Variants in CARM1 observed in about 807,000 individuals in gnomAD.
CARM1 encodes histone-arginine methyltransferase CARM1.
In CARM1, 14 loss-of-function variants were observed where a neutral mutation model predicts 72.7. The ratio of observed to expected loss-of-function variants is 0.19; its 90% confidence interval spans 0.13 to 0.30. CARM1 has a LOEUF of 0.30. CARM1 is among the 10% of genes least tolerant of loss of function. CARM1 has a pLI of 1.00. For synonymous variants in CARM1, 333 were observed against 345.5 expected, an observed-to-expected ratio of 0.96 and a Z score of 0.40; for missense variants, 432 against 833.7, an observed-to-expected ratio of 0.52 and a Z score of 5.93.
intron 1 of CARM1, among the ~76,000 whole-genome samples, chr19:10,872,354 G>C (rs1042378846): frequency 5.3e-5 from 8 of 152,112 alleles, no homozygotes; most frequent in South Asian, 2.1e-4. Flanking sequence ...GGGCGTGGGC[G>C]GCCCGGGATC....
rs573259101 is a variant in CARM1 at position 10,891,230 on chromosome 19, G to A, written c.221-13721G>A. ...ACTGTGTGCCCGTGGGTCTTGGGCC[G>A]GGCATGGGTGGGTTCGTCCTCATGG... On this transcript the variant is annotated intron_variant, in intron 1 of 15. Transcript: ENST00000327064. Among the ~76,000 whole-genome samples the A allele has an allele frequency of 5.3e-5, 8 of 152,138 alleles. No homozygotes were observed. The South Asian group carries it at 6.2e-4, about 12-fold the overall frequency.
Position 10,915,771 on chromosome 19 carries a change from C to T in CARM1, c.848-636C>T, listed in dbSNP as rs906316615. 4.3e-4 allele frequency among the ~76,000 whole-genome samples: 66 copies of T among 152,278 alleles called. No homozygotes were observed. Among genetic ancestry groups the T allele is most frequent in the Middle Eastern group, 3.4e-3 (1 of 294 alleles). On this transcript the variant is annotated intron_variant, in intron 6 of 15. Coordinates refer to ENST00000327064, the MANE Select transcript of CARM1 (RefSeq NM_199141.2). The surrounding 1 kb of genome is among the most constrained non-coding windows in gnomAD (Gnocchi z 4.6). ...GGCGGGGCTGCGGGGCCCTGATCCT[C>T]CCTGCCACTGGCCCTGACTCATGCG... is the stretch of plus-strand genomic sequence containing the variant.
At chr19:10,873,821 A>G (rs1374134827) in intron 1 of CARM1, among the ~76,000 whole-genome samples, 1 of 151,138 alleles carries the variant, frequency 6.6e-6, no homozygotes, top group Non-Finnish European at 1.5e-5. Flanking sequence ...TTGTGTTTTT[A>G]GTAGAGACGG....
intron 4 of CARM1, among the ~76,000 whole-genome samples, chr19:10,909,729 T>TC (rs1350512979): frequency 6.7e-6 from 1 of 150,132 alleles, no homozygotes; most frequent in African/African-American, 2.4e-5. Flanking sequence ...AGAGTGAGAC[T>TC]CCATCTCAAA....
At chr19:10,886,056 CTTTTTT>C (rs899009522) in intron 1 of CARM1, among the ~76,000 whole-genome samples, 1 of 136,502 alleles carries the variant, frequency 7.3e-6, no homozygotes, top group African/African-American at 2.7e-5. Context: ...TTCTTTCTTT[CTTTTTT>C]TTTTTTTTTT....
In CARM1 at chr19:10,885,961, C is replaced by T. The variant is rs369186288; in HGVS notation, c.220+14039C>T. 2.7e-5 allele frequency among the ~76,000 whole-genome samples: 4 copies of T among 149,824 alleles called. No homozygotes were observed. The East Asian group carries it at 5.9e-4, about 22-fold the overall frequency. ...TGAACACAGCTCATTGCAACCTCAA[C>T]CTCCCAGGTTCAGTTCATGCTCCTG... is the stretch of plus-strand genomic sequence containing the variant. On this transcript the variant is annotated intron_variant, in intron 1 of 15. Coordinates refer to ENST00000327064, the MANE Select transcript of CARM1 (RefSeq NM_199141.2).
chr19:10,877,170 C>T (rs1016037438), intron 1 of CARM1, among the ~76,000 whole-genome samples: 1 of 152,018 alleles, frequency 6.6e-6, no homozygotes, highest in East Asian at 1.9e-4. Flanking sequence ...TTATGTGCCC[C>T]ATCTTTAGGA....
At position 10,920,353 on chromosome 19, in the gene CARM1, T is replaced by TG; in HGVS notation, c.1197-79dup. On this transcript the variant is annotated intron_variant, in intron 10 of 15. Coordinates refer to ENST00000327064, the MANE Select transcript of CARM1 (RefSeq NM_199141.2). This position sits in a 1 kb window ranked among gnomAD's most constrained non-coding sequence, Gnocchi z 5.3. ...GTCCCTGGCAGAGGGGGCAGGTGCT[T>TG]GGGGAGGACTCAAGGCATACAAGGT... 3 of 1,493,250 alleles carry TG rather than the reference T, an allele frequency of 2.0e-6. No individual in the cohort carries two copies. Among genetic ancestry groups the TG allele is most frequent in the Non-Finnish European group, 2.7e-6 (3 of 1,102,050 alleles). 92.5% of individuals were successfully genotyped at this position (1,493,250 alleles called of 1,614,324 possible).
At chr19:10,889,201 C>G (rs1263164631) in intron 1 of CARM1, among the ~76,000 whole-genome samples, 1 of 152,182 alleles carries the variant, frequency 6.6e-6, no homozygotes, top group Non-Finnish European at 1.5e-5. Flanking sequence ...CCATGGAGGC[C>G]TTGGCCTACC....
chr19:10,892,186 A>T (rs1549926), intron 1 of CARM1, among the ~76,000 whole-genome samples: 4 of 152,068 alleles, frequency 2.6e-5, no homozygotes, highest in South Asian at 4.1e-4. Flanking sequence ...ATGGATATTT[A>T]GGTTTTCTGC....
chr19:10,914,679 CT>C (rs1286094077), intron 6 of CARM1, among the ~76,000 whole-genome samples: 1 of 152,198 alleles, frequency 6.6e-6, no homozygotes. Context: ...CTTCAGCCTC[CT>C]GAGTAGCTGG....
At chr19:10,873,800 C>T (rs985720606) in intron 1 of CARM1, among the ~76,000 whole-genome samples, 1 of 151,542 alleles carries the variant, frequency 6.6e-6, no homozygotes, top group African/African-American at 2.4e-5. Flanking sequence ...CCGCCATGCC[C>T]GGCTAATTTT....
At chr19:10,893,107 A>G (rs1042016726) in intron 1 of CARM1, among the ~76,000 whole-genome samples, 1 of 149,556 alleles carries the variant, frequency 6.7e-6, no homozygotes, top group African/African-American at 2.5e-5. Flanking sequence ...CCCAGGTTGG[A>G]GTGGAATGCA....
rs1270966817 is a variant in CARM1, at chr19:10,915,594, C to T, written c.848-813C>T. Among the ~76,000 whole-genome samples, 1 of 152,138 alleles carries T rather than the reference C, an allele frequency of 6.6e-6. No individual in the cohort carries two copies. Among genetic ancestry groups the T allele is most frequent in the African/African-American group, 2.4e-5 (1 of 41,426 alleles). ...AGCCGCAGCATGTGCATCTCCCTCC[C>T]CGTTCCAGCAGCTGCAGCCCTGCAG... On this transcript the variant is annotated intron_variant, in intron 6 of 15. Transcript: ENST00000327064. The surrounding 1 kb of genome is among the most constrained non-coding windows in gnomAD (Gnocchi z 4.6).
At chr19:10,894,743 T>G (rs1253412352) in intron 1 of CARM1, among the ~76,000 whole-genome samples, 1 of 149,422 alleles carries the variant, frequency 6.7e-6, no homozygotes, top group Non-Finnish European at 1.5e-5. Context: ...CTCTCTCTCT[T>G]TTTTTTTTTC....
chr19:10,874,933 A>G (rs2073851645), intron 1 of CARM1, among the ~76,000 whole-genome samples: 1 of 151,682 alleles, frequency 6.6e-6, no homozygotes, highest in African/African-American at 2.4e-5. Flanking sequence ...ATGAGGTGGG[A>G]GGATCGCTTG....
chr19:10,911,921 C>T (rs1183145781), intron 4 of CARM1, among the ~76,000 whole-genome samples: 1 of 152,210 alleles, frequency 6.6e-6, no homozygotes, highest in Non-Finnish European at 1.5e-5. Context: ...AGGGGAGGCC[C>T]GTGCCACTCA....
rs2074075348 is a variant in CARM1, at chr19:10,902,671, C to T, written c.221-2280C>T. On this transcript the variant is annotated intron_variant, in intron 1 of 15. Transcript: ENST00000327064. ...TCACCCAGGCTAGAGTGCAGCGTTG[C>T]CATCTCTGCTCACTGCAGTGTCAAC... is the stretch of plus-strand genomic sequence containing the variant. Among the ~76,000 whole-genome samples the T allele has an allele frequency of 2.0e-5, 3 of 150,736 alleles. No individual in the cohort carries two copies. In the Admixed American group the frequency reaches 2.0e-4, roughly 10 times the overall value.
chr19:10,913,899 TGAC>T lies in CARM1; in HGVS notation c.694_696del (p.Thr232del). ...CAGGTCTTGGTGAAGAGTAACAACC[TGAC>T]GGACCGCATCGTGGTCATCCCGGGC... On this transcript the variant is annotated inframe_deletion, in exon 6 of 16. Coordinates refer to ENST00000327064, the MANE Select transcript of CARM1 (RefSeq NM_199141.2). 1 of 1,613,356 alleles carries T rather than the reference TGAC, an allele frequency of 6.2e-7. No homozygotes were observed. Among genetic ancestry groups the T allele is most frequent in the Non-Finnish European group, 8.5e-7 (1 of 1,179,868 alleles).
Sources: gnomAD v4.1 joint callset for allele counts (sites outside exome capture counted in the v4.1 genomes callset) on GRCh38, gnomAD v4.1.1 for gene constraint, Gnocchi (gnomAD v3.1) non-coding constraint, MANE v1.5 for transcripts, NCBI Gene and HGNC (gene_info 2026-07-23, HGNC 2026-07-21) for gene names.